The following SLA2 variants were observed in gnomAD, a reference collection of about 807,000 sequenced individuals.
SLA2 encodes src-like-adapter 2.
A neutral mutation model predicts 27.3 loss-of-function variants in SLA2; 22 were observed. The ratio of observed to expected loss-of-function variants is 0.81; its 90% CI spans 0.58 to 1.15. The LOEUF is 1.15. SLA2 is among the 50% of genes most tolerant of loss of function. The pLI, the probability that SLA2 is intolerant of heterozygous loss-of-function variation, is 0.00. For missense variants in SLA2, 304 were observed against 322.2 expected (o/e 0.94, Z 0.43); for synonymous variants, 131 against 137.8 (o/e 0.95, Z 0.34).
chr20:36,618,141 C>T (rs1358785403), intron 5 of SLA2, among the ~76,000 whole-genome samples: 15 of 144,360 alleles, frequency 1.0e-4, no homozygotes, highest in Admixed American at 2.8e-4. Context: ...AGCGAGACTC[C>T]GTCTCAAAAA....
At chr20:36,618,856 G>A (rs1197052940) in intron 5 of SLA2, among the ~76,000 whole-genome samples, 8 of 131,714 alleles carry the variant, frequency 6.1e-5, no homozygotes, top group South Asian at 2.6e-4. Flanking sequence ...GCAGTGAGCC[G>A]AGATTGTACC....
chr20:36,620,565 CTTTTT>C (rs35429682), intron 5 of SLA2: 18 of 107,600 alleles, frequency 1.7e-4, no homozygotes, highest in East Asian at 2.8e-4. Context: ...ACCACACTGG[CTTTTT>C]TTTTTTTTTT....
At chr20:36,622,516 A>G (rs2039295377) in intron 5 of SLA2, among the ~76,000 whole-genome samples, 1 of 152,154 alleles carries the variant, frequency 6.6e-6, no homozygotes, top group Admixed American at 6.6e-5. Flanking sequence ...AATTACCATC[A>G]ATTCAGCAGC....
intron 1 of SLA2, among the ~76,000 whole-genome samples, chr20:36,645,171 A>G (rs990398572): frequency 1.6e-5 from 1 of 61,732 alleles, no homozygotes; most frequent in African/African-American, 6.1e-5. Flanking sequence ...GAGAACCCCC[A>G]CCCCCACCCC....
intron 5 of SLA2, among the ~76,000 whole-genome samples, chr20:36,617,874 G>A (rs537720314): frequency 2.6e-5 from 4 of 151,566 alleles, no homozygotes; most frequent in Admixed American, 6.6e-5. Flanking sequence ...TAGTCCAGGC[G>A]CAGTGGCTCA....
intron 1 of SLA2, among the ~76,000 whole-genome samples, chr20:36,643,291 C>G (rs1392320600): frequency 1.3e-5 from 2 of 152,158 alleles, no homozygotes; most frequent in Non-Finnish European, 2.9e-5. Context: ...GGAGGCGGAG[C>G]TTTGTCTTTC....
intron 3 of SLA2, 92 bp from the exon 4 acceptor site, chr20:36,633,721 G>A (rs1007736329): frequency 5.1e-5 from 53 of 1,035,202 alleles, no homozygotes; most frequent in Admixed American, 9.8e-5. Flanking sequence ...CTCTCAGGCT[G>A]GATCCTGTGG....
At chr20:36,622,365 A>C (rs1429829063) in intron 5 of SLA2, among the ~76,000 whole-genome samples, 1 of 151,824 alleles carries the variant, frequency 6.6e-6, no homozygotes, top group Non-Finnish European at 1.5e-5. Context: ...CAAAAAAAAA[A>C]AACAAAAAAC....
At chr20:36,644,301 T>C (rs1008857150) in intron 1 of SLA2, among the ~76,000 whole-genome samples, 1 of 151,914 alleles carries the variant, frequency 6.6e-6, no homozygotes, top group Non-Finnish European at 1.5e-5. Context: ...GTAGCATGAG[T>C]GCCCACTTGA....
At chr20:36,626,584 A>G (rs1273191741) in intron 5 of SLA2, among the ~76,000 whole-genome samples, 1 of 151,454 alleles carries the variant, frequency 6.6e-6, no homozygotes, top group East Asian at 2.0e-4. Context: ...GCGGTGGCTC[A>G]TGCCTGTAAT....
intron 5 of SLA2, among the ~76,000 whole-genome samples, chr20:36,617,044 TATAA>T (rs1284834915): frequency 1.3e-5 from 2 of 149,908 alleles, no homozygotes; most frequent in East Asian, 4.0e-4. Context: ...AGCAAGACTC[TATAA>T]ATAAATAAAT....
chr20:36,623,343 A>G (rs1199424836), intron 5 of SLA2, among the ~76,000 whole-genome samples: 1 of 152,108 alleles, frequency 6.6e-6, no homozygotes, highest in Non-Finnish European at 1.5e-5. Flanking sequence ...AAGATTGGGA[A>G]CAAAGCAATA....
chr20:36,635,297 A>T (rs900370769), intron 2 of SLA2, among the ~76,000 whole-genome samples: 2 of 151,182 alleles, frequency 1.3e-5, no homozygotes, highest in African/African-American at 4.9e-5. Context: ...TTCTGTAAGG[A>T]TTCCTTAGCA....
intron 5 of SLA2, among the ~76,000 whole-genome samples, chr20:36,624,773 C>G (rs1319668306): frequency 6.6e-6 from 1 of 152,226 alleles, no homozygotes; most frequent in Admixed American, 6.5e-5. Context: ...AAGACCTACC[C>G]TTCCCTGAGG....
Position 36,617,510 on chromosome 20 carries a change from G to T in SLA2, c.383-2136C>A, listed in dbSNP as rs1201846800. Among the ~76,000 whole-genome samples the T allele has an allele frequency of 7.3e-5, 10 of 136,600 alleles. No homozygotes were observed. In the South Asian group the frequency reaches 2.2e-3, roughly 30 times the overall value. The allele number at this position is 136,600 out of a possible 152,430, so 89.6% of individuals were successfully genotyped here. A position where few individuals can be genotyped will look rare whatever the true frequency, so the allele number is the denominator to read the frequency against. ...GATTGTGCCACTGCACTCCAGTCTG[G>T]ATGACAGAGTGAGACCCTGTCTCAA... On this transcript the variant is annotated intron_variant, in intron 5 of 7. Coordinates refer to ENST00000262866, the MANE Select transcript of SLA2 (RefSeq NM_032214.4).
intron 5 of SLA2, among the ~76,000 whole-genome samples, chr20:36,627,950 C>T (rs2086466515): frequency 1.3e-5 from 2 of 152,220 alleles, no homozygotes; most frequent in African/African-American, 4.8e-5. Context: ...TGGCATCACT[C>T]ACTCACTTGG....
Position 36,613,792 on chromosome 20 carries a change from CTG to C in SLA2, c.*72_*73del. On this transcript the variant is annotated 3_prime_UTR_variant, in exon 8 of 8. Coordinates refer to ENST00000262866, the MANE Select transcript of SLA2 (RefSeq NM_032214.4). ...CCTCCCTGAGTGCACAGCCTTGCCT[CTG>C]GGGTGCCCAGGAGGCTGAATTGGGG... The C allele has an allele frequency of 8.7e-7, 1 of 1,143,598 alleles. No individual in the cohort carries two copies. The highest frequency in any genetic ancestry group is 1.3e-5 in the South Asian group (1 of 75,034). The allele number at this position is 1,143,598 out of a possible 1,614,324, so 70.8% of individuals were successfully genotyped here.
intron 1 of SLA2, among the ~76,000 whole-genome samples, chr20:36,644,231 T>C (rs1978285916): frequency 6.6e-6 from 1 of 152,052 alleles, no homozygotes; most frequent in African/African-American, 2.4e-5. Context: ...GCGATCCTCC[T>C]GGGGAGGATT....
intron 5 of SLA2, among the ~76,000 whole-genome samples, chr20:36,627,872 C>T (rs896840049): frequency 2.0e-5 from 3 of 152,200 alleles, no homozygotes; most frequent in Admixed American, 6.5e-5. Flanking sequence ...AGGCCTTCCT[C>T]CTTGGTCCAC....
Sources: gnomAD v4.1 joint callset for allele counts (sites outside exome capture counted in the v4.1 genomes callset) on GRCh38, gnomAD v4.1.1 for gene constraint, MANE v1.5 for transcripts, NCBI Gene and HGNC (gene_info 2026-07-23, HGNC 2026-07-21) for gene names.